PDP1: variants seen among roughly 807,000 people sequenced by gnomAD.
The protein encoded by PDP1 is pyruvate dehyrogenase phosphatase catalytic subunit 1.
In PDP1, 14 loss-of-function variants were observed where a neutral mutation model predicts 37.1. The ratio of observed to expected loss-of-function variants is 0.38; its 90% CI spans 0.25 to 0.59. PDP1 has a LOEUF of 0.59. Ranked by LOEUF, PDP1 falls within the 20% of genes least tolerant of loss-of-function variation. The pLI, the probability that PDP1 is intolerant of heterozygous loss-of-function variation, is 0.67. For synonymous variants in PDP1, 251 were observed against 243.3 expected, an observed-to-expected ratio of 1.03 and a Z score of -0.29; for missense variants, 544 against 655.3, an observed-to-expected ratio of 0.83 and a Z score of 1.85.
At position 93,923,335 on chromosome 8, in the gene PDP1, A is replaced by T; in HGVS notation, c.1276A>T (p.Arg426Trp). 1 of 1,614,178 alleles carries T rather than the reference A, an allele frequency of 6.2e-7. No homozygotes were observed. The highest frequency in any genetic ancestry group is 8.5e-7 in the Non-Finnish European group (1 of 1,180,018). ...ATDGLWETMH[R>W]QDVVRIVGEY... ...TGATGGGTTGTGGGAGACTATGCAT[A>T]GGCAGGATGTGGTTAGGATTGTGGG... The change falls in exon 2 of 2, where the codon AGG becomes TGG. Residue 426 changes from arginine (R) to tryptophan (W), a missense_variant. Arg to Trp is a moderately radical substitution (Grantham distance 101). Transcript: ENST00000297598. The surrounding 1 kb of genome is among the most constrained non-coding windows in gnomAD (Gnocchi z 4.3).
chr8:93,922,097 G>A lies in PDP1; in HGVS notation c.38G>A (p.Arg13His), dbSNP rs758052799. Residue 13 changes from arginine to histidine, a missense_variant, in exon 2 of 2, where the codon CGT becomes CAT. Arg to His is a conservative substitution (Grantham distance 29). Coordinates refer to ENST00000297598, the MANE Select transcript of PDP1 (RefSeq NM_018444.4). The surrounding 1 kb of genome is among the most constrained non-coding windows in gnomAD (Gnocchi z 4.0). Reference protein sequence around the residue: ...APTQLFFPLIRNCELSRIYGT... With the variant: ...APTQLFFPLIHNCELSRIYGT... ...ACTCAACTGTTTTTTCCTCTCATCC[G>A]TAACTGTGAACTGAGCAGGATCTAT... The A allele has an allele frequency of 2.5e-6, 4 of 1,613,484 alleles. No individual in the cohort carries two copies. The highest frequency in any genetic ancestry group is 2.2e-5 in the East Asian group (1 of 44,872).
Position 93,922,086 on chromosome 8 carries a change from T to A in PDP1, c.27T>A (p.Phe9Leu). The A allele has an allele frequency of 6.2e-7, 1 of 1,613,152 alleles. No individual in the cohort carries two copies. The highest frequency in any genetic ancestry group is 8.5e-7 in the Non-Finnish European group (1 of 1,179,230). The part of the protein sequence containing the change: MPAPTQLF[F>L]PLIRNCELSR... ...TGCCAGCACCAACTCAACTGTTTTTTCCTCTCATCCGTAACTGTGAACTGA... is the reference window on the plus strand; with the variant it reads ...TGCCAGCACCAACTCAACTGTTTTTACCTCTCATCCGTAACTGTGAACTGA... Residue 9 changes from phenylalanine (F) to leucine (L), a missense_variant, in exon 2 of 2, where the codon TTT (phenylalanine) becomes TTA (leucine). By Grantham distance (22) the Phe-to-Leu change is conservative. Coordinates refer to ENST00000297598, the MANE Select transcript of PDP1 (RefSeq NM_018444.4). The surrounding 1 kb of genome is among the most constrained non-coding windows in gnomAD (Gnocchi z 4.0).
Position 93,922,709 on chromosome 8 carries a change from A to G in PDP1, c.650A>G (p.Gln217Arg). 6.2e-7 allele frequency: 1 copy of G among 1,614,130 alleles called. No homozygotes were observed. The highest frequency in any genetic ancestry group is 8.5e-7 in the Non-Finnish European group (1 of 1,179,978). The change falls in exon 2 of 2, where the codon CAA becomes CGA. Residue 217 changes from glutamine (Q) to arginine (R), a missense_variant. By Grantham distance (43) the Gln-to-Arg change is conservative (BLOSUM62 1). Transcript: ENST00000297598. The surrounding 1 kb of genome is among the most constrained non-coding windows in gnomAD (Gnocchi z 4.0). ...LYFNSLRTYW[Q>R]ELIDLNTGES... Reference sequence around the variant, plus strand: ...TTTAACAGCTTGAGGACTTACTGGCAAGAGCTTATAGACCTCAACACTGGT... The same window carrying G: ...TTTAACAGCTTGAGGACTTACTGGCGAGAGCTTATAGACCTCAACACTGGT...
At chr8:93,921,744 C>T in intron 1 of PDP1, 2 of 356,098 alleles carry the variant, frequency 5.6e-6, no homozygotes, top group East Asian at 4.9e-5. Context: ...ACAGTTTGTA[C>T]TGCACAAAGG....
intron 1 of PDP1, chr8:93,919,241 T>C (rs1318061530): frequency 1.9e-6 from 1 of 522,994 alleles, no homozygotes; most frequent in Non-Finnish European, 2.5e-6. Context: ...AAAGATGTCA[T>C]ACCAAGCCGG....
At chr8:93,921,754 G>A in intron 1 of PDP1, 1 of 394,906 alleles carries the variant, frequency 2.5e-6, no homozygotes, top group East Asian at 4.3e-5. Context: ...CTGCACAAAG[G>A]ACGACAAAGA....
chr8:93,922,421 C>T lies in PDP1; in HGVS notation c.362C>T (p.Ala121Val), dbSNP rs1055081238. Residue 121 changes from alanine (A) to valine (V), a missense_variant, in exon 2 of 2, where the codon GCA becomes GTA. Ala to Val is a moderately conservative substitution (Grantham distance 64). Transcript: ENST00000297598. This position sits in a 1 kb window ranked among gnomAD's most constrained non-coding sequence, Gnocchi z 4.0. ...GACAGCAATCAGCTGCCTGCAAATG[C>T]ACCCATTGAGGACCGGAGAAGTGCA... ...GFDSNQLPAN[A>V]PIEDRRSAAT... 5 of 1,613,982 alleles carry T rather than the reference C, an allele frequency of 3.1e-6. No homozygotes were observed. The African/African-American group carries it at 4.0e-5, about 13-fold the overall frequency.
chr8:93,922,167 A>G lies in PDP1; in HGVS notation c.108A>G (p.Ser36=). Residue 36 remains serine (S), a synonymous_variant, in exon 2 of 2, where the codon TCA becomes TCG. Coordinates refer to ENST00000297598, the MANE Select transcript of PDP1 (RefSeq NM_018444.4). This position sits in a 1 kb window ranked among gnomAD's most constrained non-coding sequence, Gnocchi z 4.0. ...ACCACAAACATCTCTGTTGTTCCTC[A>G]TCGTACATTCCTCAGAGTCGACTGA... ...YCHHKHLCCS[S]SYIPQSRLRY... The G allele has an allele frequency of 6.2e-7, 1 of 1,614,126 alleles. No homozygotes were observed. The highest frequency in any genetic ancestry group is 2.2e-5 in the East Asian group (1 of 44,882).
rs1260992739 is a variant in PDP1, at chr8:93,922,409, T to C, written c.350T>C (p.Leu117Pro). The C allele has an allele frequency of 6.2e-7, 1 of 1,614,054 alleles. No homozygotes were observed. The highest frequency in any genetic ancestry group is 1.3e-5 in the African/African-American group (1 of 74,934). Residue 117 changes from leucine to proline, a missense_variant, in exon 2 of 2, where the codon CTG (leucine) becomes CCG (proline). Leu to Pro is a moderately conservative substitution (Grantham distance 98). Coordinates refer to ENST00000297598, the MANE Select transcript of PDP1 (RefSeq NM_018444.4). This position sits in a 1 kb window ranked among gnomAD's most constrained non-coding sequence, Gnocchi z 4.0. ...ATCCTTGGATTTGACAGCAATCAGC[T>C]GCCTGCAAATGCACCCATTGAGGAC... ...SSILGFDSNQ[L>P]PANAPIEDRR...
intron 1 of PDP1, chr8:93,921,415 TTTTC>T: frequency 1.4e-6 from 1 of 740,200 alleles, no homozygotes; most frequent in Non-Finnish European, 1.6e-6. Flanking sequence ...ATGTAGAAAT[TTTTC>T]TATATATGTT....
chr8:93,919,353 C>T (rs757795263), intron 1 of PDP1, among the ~76,000 whole-genome samples: 1 of 152,148 alleles, frequency 6.6e-6, no homozygotes, highest in Admixed American at 6.5e-5. Flanking sequence ...CATGGTGAAA[C>T]CCCATCTCTA....
chr8:93,922,502 G>T lies in PDP1; in HGVS notation c.443G>T (p.Gly148Val). The T allele has an allele frequency of 6.2e-7, 1 of 1,614,014 alleles. No individual in the cohort carries two copies. Among genetic ancestry groups the T allele is most frequent in the East Asian group, 2.2e-5 (1 of 44,888 alleles). Residue 148 changes from glycine (G) to valine (V), a missense_variant, in exon 2 of 2, where the codon GGT becomes GTT. Around this residue, in one of 5 missense-constraint regions of PDP1, gnomAD observed 342 missense variants for 414.0 expected, o/e 0.83. Transcript: ENST00000297598. The surrounding 1 kb of genome is among the most constrained non-coding windows in gnomAD (Gnocchi z 4.0). ...TTGGGGGTTTTTGATGGCCATGCAG[G>T]TTGTGCTTGTTCCCAGGCAGTCAGT... Reference protein sequence around the residue: ...MLLGVFDGHAGCACSQAVSER... With the variant: ...MLLGVFDGHAVCACSQAVSER...
chr8:93,921,322 C>T, intron 1 of PDP1: 1 of 985,322 alleles, frequency 1.0e-6, no homozygotes, highest in Non-Finnish European at 1.2e-6. Flanking sequence ...CAAATTGCCA[C>T]AGTGGACTAG....
chr8:93,921,049 T>C, intron 1 of PDP1: 5 of 984,236 alleles, frequency 5.1e-6, no homozygotes, highest in Non-Finnish European at 6.0e-6. Context: ...AACAAAGCTT[T>C]AGAGCTACTG....
At chr8:93,917,471 C>T (rs1810106564) in intron 1 of PDP1, among the ~76,000 whole-genome samples, 1 of 151,802 alleles carries the variant, frequency 6.6e-6, no homozygotes, top group Non-Finnish European at 1.5e-5. Flanking sequence ...CTGACACCGG[C>T]CGGCCCCTGT....
intron 1 of PDP1, chr8:93,917,766 G>T: frequency 6.5e-7 from 1 of 1,549,422 alleles, no homozygotes; most frequent in Non-Finnish European, 8.7e-7. Flanking sequence ...GCTGGAGCGA[G>T]ACCTCGCCCC....
rs1810362497 is a variant in PDP1, at chr8:93,923,793, A to G, written c.*120A>G. ...CATTCTAAGCATTTACCCTTTTGAT[A>G]CTCTAGCTAGTCAGGTACTCCAAAT... On this transcript the variant is annotated 3_prime_UTR_variant, in exon 2 of 2. Transcript: ENST00000297598. This position sits in a 1 kb window ranked among gnomAD's most constrained non-coding sequence, Gnocchi z 4.3. The G allele has an allele frequency of 5.7e-6, 5 of 879,410 alleles. No homozygotes were observed. Among genetic ancestry groups the G allele is most frequent in the South Asian group, 5.6e-5 (4 of 71,692 alleles). 54.5% of individuals were successfully genotyped at this position (879,410 alleles called of 1,614,324 possible).
rs1024162440 is a variant in PDP1 at position 93,924,013 on chromosome 8, G to A, written c.*340G>A. On this transcript the variant is annotated 3_prime_UTR_variant, in exon 2 of 2. Coordinates refer to ENST00000297598, the MANE Select transcript of PDP1 (RefSeq NM_018444.4). Reference sequence around the variant, plus strand: ...AGGCCAAAAGCAAGTATCTTGCTGTGTGTAGTCTCTTGGTTAAAGTGAAGA... The same window carrying A: ...AGGCCAAAAGCAAGTATCTTGCTGTATGTAGTCTCTTGGTTAAAGTGAAGA... The A allele has an allele frequency of 2.9e-6, 1 of 343,096 alleles. No individual in the cohort carries two copies. The highest frequency in any genetic ancestry group is 4.3e-5 in the Admixed American group (1 of 23,528). The allele number at this position is 343,096 out of a possible 1,614,324, so 21.3% of individuals were successfully genotyped here.
Position 93,922,964 on chromosome 8 carries a change from A to T in PDP1, c.905A>T (p.Asp302Val), listed in dbSNP as rs1442631477. Residue 302 changes from aspartate (D) to valine (V), a missense_variant, in exon 2 of 2, where the codon GAC becomes GTC. Asp to Val is a radical substitution (Grantham distance 152). Transcript: ENST00000297598. The surrounding 1 kb of genome is among the most constrained non-coding windows in gnomAD (Gnocchi z 4.0). The stretch of plus-strand genomic sequence containing the variant: ...GCCATGCTGGGTGTGCAGGAAGAGG[A>T]CGGCTCATGGTCAGCAGTCACGCTG... ...SRAMLGVQEE[D>V]GSWSAVTLSN... 1 of 1,614,124 alleles carries T rather than the reference A, an allele frequency of 6.2e-7. No individual in the cohort carries two copies. Among genetic ancestry groups the T allele is most frequent in the South Asian group, 1.1e-5 (1 of 91,072 alleles).
Sources: allele counts gnomAD v4.1 joint callset (sites outside exome capture counted in the v4.1 genomes callset), GRCh38; gene constraint gnomAD v4.1.1; regional missense constraint gnomAD v4.1.1; non-coding constraint Gnocchi (gnomAD v3.1); transcripts MANE v1.5; gene names NCBI Gene and HGNC (gene_info 2026-07-23, HGNC 2026-07-21).